TCERG1L: variants seen among roughly 807,000 people sequenced by gnomAD.
TCERG1L encodes the protein transcription elongation regulator 1 like.
Under a neutral mutation model 56.3 loss-of-function variants are expected in TCERG1L, and 37 were observed. That is an observed-to-expected ratio of 0.66 (90% confidence interval 0.51 to 0.87). The LOEUF (loss-of-function observed/expected upper bound fraction) is 0.87, where lower values mean the gene tolerates loss of function less well. Among genes scored for constraint, TCERG1L ranks in the 40% least tolerant of loss-of-function variants. The probability of loss-of-function intolerance (pLI) is 0.00; values close to 1 mark genes in which losing one functional copy is unlikely to be tolerated. For missense variants in TCERG1L, 799 were observed against 774.2 expected (o/e 1.03, Z -0.38); for synonymous variants, 324 against 326.3 (o/e 0.99, Z 0.08).
At chr10:131,306,323 C>T (rs1021763907) in intron 3 of TCERG1L, among the ~76,000 whole-genome samples, 3 of 151,872 alleles carry the variant, frequency 2.0e-5, no homozygotes, top group Admixed American at 2.0e-4. Context: ...AAAACAAATA[C>T]ATTTGATTAT....
At chr10:131,211,652 T>A (rs528426608) in intron 4 of TCERG1L, among the ~76,000 whole-genome samples, 1 of 152,092 alleles carries the variant, frequency 6.6e-6, no homozygotes, top group South Asian at 2.1e-4. Flanking sequence ...CCTATTTTAT[T>A]AACACTTCAA....
At chr10:131,198,973 C>T (rs752293201) in intron 4 of TCERG1L, among the ~76,000 whole-genome samples, 12 of 152,304 alleles carry the variant, frequency 7.9e-5, no homozygotes, top group East Asian at 1.9e-4. Flanking sequence ...ACAGCTGGGG[C>T]GGCTGATGAG....
intron 4 of TCERG1L, among the ~76,000 whole-genome samples, chr10:131,246,017 C>G (rs1846032458): frequency 6.6e-6 from 1 of 152,178 alleles, no homozygotes; most frequent in Non-Finnish European, 1.5e-5. Flanking sequence ...AGTGTCGGGT[C>G]TTCTGGAAAC....
At chr10:131,165,184 G>T (rs964857074) in intron 5 of TCERG1L, among the ~76,000 whole-genome samples, 23 of 152,326 alleles carry the variant, frequency 1.5e-4, no homozygotes, top group Admixed American at 4.6e-4. Context: ...TGGTGACCGA[G>T]TTATCCAGAG....
chr10:131,195,351 C>T (rs1845347603), intron 4 of TCERG1L, among the ~76,000 whole-genome samples: 2 of 152,200 alleles, frequency 1.3e-5, no homozygotes, highest in African/African-American at 2.4e-5. Context: ...AAAGGCCTCG[C>T]TTACTTGGTT....
chr10:131,281,997 G>A (rs192059382), intron 3 of TCERG1L, among the ~76,000 whole-genome samples: 2 of 151,922 alleles, frequency 1.3e-5, no homozygotes, highest in South Asian at 2.1e-4. Context: ...TTAGCCAGGC[G>A]CGGTGGCGGG....
At chr10:131,148,449 C>T (rs1845824174) in intron 6 of TCERG1L, among the ~76,000 whole-genome samples, 1 of 149,840 alleles carries the variant, frequency 6.7e-6, no homozygotes, top group African/African-American at 2.4e-5. Context: ...CAGAGATACA[C>T]ACATAAACAC....
chr10:131,256,180 A>T (rs1846163043), intron 4 of TCERG1L, among the ~76,000 whole-genome samples: 1 of 152,224 alleles, frequency 6.6e-6, no homozygotes, highest in African/African-American at 2.4e-5. Flanking sequence ...GGATGATTTA[A>T]AAAAAGACCT....
intron 11 of TCERG1L, among the ~76,000 whole-genome samples, chr10:131,097,700 G>A (rs571480621): frequency 1.8e-4 from 27 of 152,330 alleles, no homozygotes; most frequent in African/African-American, 6.5e-4. Context: ...TTAAGAAAGA[G>A]TTAAGCTTAT....
At chr10:131,170,906 G>A (rs944335293) in intron 4 of TCERG1L, among the ~76,000 whole-genome samples, 19 of 152,186 alleles carry the variant, frequency 1.2e-4, no homozygotes, top group Non-Finnish European at 2.5e-4. Flanking sequence ...CCAGCACTTT[G>A]GGAGGCCGAG....
intron 4 of TCERG1L, among the ~76,000 whole-genome samples, chr10:131,167,384 C>T (rs914072612): frequency 2.0e-5 from 3 of 152,186 alleles, no homozygotes; most frequent in South Asian, 2.1e-4. Flanking sequence ...GCTGCTCTCT[C>T]GCATTGTGGG....
chr10:131,184,078 G>T (rs751278635), intron 4 of TCERG1L, among the ~76,000 whole-genome samples: 5 of 152,190 alleles, frequency 3.3e-5, no homozygotes, highest in Admixed American at 6.5e-5. Context: ...CTTGGAAGCT[G>T]CTCTCCTCTT....
At chr10:131,239,187 G>A (rs1433115840) in intron 4 of TCERG1L, among the ~76,000 whole-genome samples, 2 of 152,218 alleles carry the variant, frequency 1.3e-5, no homozygotes, top group Non-Finnish European at 2.9e-5. Context: ...AGGCAGACCT[G>A]CAGTCTCCTT....
chr10:131,212,001 C>T (rs563642288), intron 4 of TCERG1L, among the ~76,000 whole-genome samples: 3 of 152,242 alleles, frequency 2.0e-5, no homozygotes, highest in African/African-American at 7.2e-5. Flanking sequence ...GATTAGCAAG[C>T]AAGAATTAAT....
chr10:131,178,854 CCACTGTA>C (rs1312180065), intron 4 of TCERG1L, among the ~76,000 whole-genome samples: 1 of 152,206 alleles, frequency 6.6e-6, no homozygotes, highest in Non-Finnish European at 1.5e-5. Context: ...AGATGGGACT[CCACTGTA>C]CACTCCGCAG....
intron 4 of TCERG1L, among the ~76,000 whole-genome samples, chr10:131,199,935 G>T (rs2133472582): frequency 6.6e-6 from 1 of 152,304 alleles, no homozygotes; most frequent in South Asian, 2.1e-4. Flanking sequence ...CTCTAGCAAA[G>T]GCTGTAAAAT....
chr10:131,280,057 G>A (rs190548451), intron 3 of TCERG1L, among the ~76,000 whole-genome samples: 5 of 152,336 alleles, frequency 3.3e-5, no homozygotes, highest in Admixed American at 3.3e-4. Context: ...AGGATGCATG[G>A]CTGCGACACA....
intron 9 of TCERG1L, among the ~76,000 whole-genome samples, chr10:131,110,361 G>C (rs1845398559): frequency 2.0e-5 from 3 of 152,154 alleles, no homozygotes; most frequent in Admixed American, 2.0e-4. Context: ...TGAGGCCTCA[G>C]GTGAGTCCAC....
At position 131,112,108 on chromosome 10, in the gene TCERG1L, G is replaced by A. The variant is rs1200815844; in HGVS notation, c.1395+4691C>T. Among the ~76,000 whole-genome samples the A allele has an allele frequency of 2.1e-5, 3 of 143,012 alleles. 1 individual carries two copies. Among genetic ancestry groups the A allele is most frequent in the Non-Finnish European group, 4.7e-5 (3 of 63,424 alleles). The allele number at this position is 143,012 out of a possible 152,430, so 93.8% of individuals were successfully genotyped here. A position where few individuals can be genotyped will look rare whatever the true frequency, so the allele number is the denominator to read the frequency against. Reference sequence around the variant, plus strand: ...TAGAAGTTCAAGACCCCTGAGAGTGGGGGAATGGGCCCGGCCACACGGCAC... The same window carrying A: ...TAGAAGTTCAAGACCCCTGAGAGTGAGGGAATGGGCCCGGCCACACGGCAC... On this transcript the variant is annotated intron_variant, in intron 9 of 11. Coordinates refer to ENST00000368642, the MANE Select transcript of TCERG1L (RefSeq NM_174937.4).
Sources: gnomAD v4.1 joint callset for allele counts (sites outside exome capture counted in the v4.1 genomes callset) on GRCh38, gnomAD v4.1.1 for gene constraint, MANE v1.5 for transcripts, NCBI Gene and HGNC (gene_info 2026-07-23, HGNC 2026-07-21) for gene names.